Variants in TMEM114 observed in about 807,000 individuals in gnomAD.
TMEM114 encodes transmembrane protein 114.
Under a neutral mutation model 6.2 loss-of-function variants are expected in TMEM114, and 6 were observed. The observed-to-expected ratio is 0.97, with a 90% confidence interval of 0.53 to 1.91. The LOEUF (loss-of-function observed/expected upper bound fraction) is 1.91. TMEM114 is among the 40% of genes most tolerant of loss of function. The pLI is 0.01. For missense variants in TMEM114, 218 were observed against 158.3 expected, an observed-to-expected ratio of 1.38 and a Z score of -2.02; for synonymous variants, 104 against 73.0, an observed-to-expected ratio of 1.42 and a Z score of -2.16.
chr16:8,576,565 G>A (rs985041831), intron 2 of TMEM114, among the ~76,000 whole-genome samples: 45 of 152,210 alleles, frequency 3.0e-4, no homozygotes, highest in African/African-American at 8.7e-4. Flanking sequence ...AGGAATCAAA[G>A]GCCAGCAGGA....
In TMEM114 at chr16:8,563,825, GTGAA is replaced by G. The variant is rs1371623044; in HGVS notation, n.212+25384_212+25387del. 3.9e-3 allele frequency among the ~76,000 whole-genome samples: 543 copies of G among 137,756 alleles called. 1 individual carries two copies. Among genetic ancestry groups the G allele is most frequent in the South Asian group, 0.013 (50 of 3,806 alleles). The allele number at this position is 137,756 out of a possible 152,430, so 90.4% of individuals were successfully genotyped here. On this transcript the variant is annotated intron_variant and non_coding_transcript_variant, in intron 2 of 2. Transcript: ENST00000623677. Reference sequence around the variant, plus strand: ...AGGGAGGGAGGGAATGAGTGAGTGAGTGAATGAGTGAGGGAGGGAGGGAGGGAGG... The same window carrying G: ...AGGGAGGGAGGGAATGAGTGAGTGAGTGAGTGAGGGAGGGAGGGAGGGAGG...
chr16:8,553,650 A>G (rs1900914600), intron 2 of TMEM114, among the ~76,000 whole-genome samples: 1 of 151,682 alleles, frequency 6.6e-6, no homozygotes, highest in Non-Finnish European at 1.5e-5. Context: ...CACGCCTCCT[A>G]TTTTGTATTT....
chr16:8,556,672 T>G (rs1325963134), intron 2 of TMEM114, among the ~76,000 whole-genome samples: 1 of 152,020 alleles, frequency 6.6e-6, no homozygotes, highest in South Asian at 2.1e-4. Context: ...TGGCTAATTT[T>G]TTGTATTTTT....
chr16:8,568,522 A>G (rs1901619800), downstream of TMEM114, among the ~76,000 whole-genome samples: 1 of 152,182 alleles, frequency 6.6e-6, no homozygotes, highest in Non-Finnish European at 1.5e-5. Flanking sequence ...AGGTGCATAG[A>G]AAGTACTCAG....
intron 2 of TMEM114, among the ~76,000 whole-genome samples, chr16:8,580,290 C>T (rs180909638): frequency 2.0e-5 from 3 of 152,272 alleles, no homozygotes; most frequent in East Asian, 1.9e-4. Context: ...AGTTTGAGAT[C>T]AGCGTGGCCA....
At chr16:8,528,786 C>G in the TMEM114 span, among the ~76,000 whole-genome samples, 1 of 152,236 alleles carries the variant, frequency 6.6e-6, no homozygotes, top group Non-Finnish European at 1.5e-5. Context: ...GAGCTCTTTG[C>G]CTTCTGGCCA....
intron 2 of TMEM114, among the ~76,000 whole-genome samples, chr16:8,587,267 T>A (rs956400284): frequency 6.6e-6 from 1 of 152,252 alleles, no homozygotes; most frequent in Non-Finnish European, 1.5e-5. Flanking sequence ...CAATATAATA[T>A]AATTTGCATT....
intron 2 of TMEM114, among the ~76,000 whole-genome samples, chr16:8,541,001 C>G (rs1249076521): frequency 1.3e-5 from 2 of 152,050 alleles, no homozygotes; most frequent in Non-Finnish European, 2.9e-5. Context: ...CCAGAGTTGC[C>G]AGAGAGAGAC....
chr16:8,562,140 G>C (rs1276409810), intron 2 of TMEM114, among the ~76,000 whole-genome samples: 1 of 149,820 alleles, frequency 6.7e-6, no homozygotes, highest in African/African-American at 2.5e-5. Context: ...GAGTGAATGA[G>C]TGAGTTAGTG....
intron 2 of TMEM114, among the ~76,000 whole-genome samples, chr16:8,574,114 G>A (rs375703965): frequency 2.0e-5 from 3 of 152,262 alleles, no homozygotes; most frequent in East Asian, 3.9e-4. Flanking sequence ...TGACCTCATG[G>A]CGATGAAGAA....
chr16:8,544,441 C>A (rs556710917), intron 2 of TMEM114, among the ~76,000 whole-genome samples: 1 of 152,248 alleles, frequency 6.6e-6, no homozygotes, highest in Admixed American at 6.5e-5. Context: ...TGAGCAGGGT[C>A]TTAATGGATA....
chr16:8,588,617 G>A (rs1440290772), intron 2 of TMEM114, among the ~76,000 whole-genome samples: 1 of 152,148 alleles, frequency 6.6e-6, no homozygotes, highest in Middle Eastern at 3.2e-3. Context: ...ACTGAGCTGG[G>A]TACTAAGAAC....
chr16:8,565,061 G>T (rs202082121), downstream of TMEM114, among the ~76,000 whole-genome samples: 1 of 148,196 alleles, frequency 6.7e-6, no homozygotes, highest in African/African-American at 2.5e-5. Flanking sequence ...GAGTGAGTGA[G>T]TGAATGAGTG....
chr16:8,564,013 G>A (rs1399384147), intron 2 of TMEM114, among the ~76,000 whole-genome samples: 3 of 151,274 alleles, frequency 2.0e-5, no homozygotes, highest in Admixed American at 6.6e-5. Flanking sequence ...GAGTGAATGA[G>A]TATGTGAATG....
chr16:8,549,307 C>T (rs909575895), intron 2 of TMEM114, among the ~76,000 whole-genome samples: 3 of 151,568 alleles, frequency 2.0e-5, no homozygotes, highest in Admixed American at 6.6e-5. Context: ...CGAGACCAGC[C>T]TGGCCAACAT....
intron 2 of TMEM114, among the ~76,000 whole-genome samples, chr16:8,583,405 T>C (rs1902218020): frequency 6.6e-6 from 1 of 152,160 alleles, no homozygotes; most frequent in South Asian, 2.1e-4. Flanking sequence ...TGTGATCTCA[T>C]TTCATCTTAG....
the TMEM114 span, among the ~76,000 whole-genome samples, chr16:8,528,246 G>GCA: frequency 0.01 from 330 of 32,976 alleles, 2 homozygotes; most frequent in Admixed American, 0.014. Context: ...CCCAAAATGC[G>GCA]CACACACACA....
the TMEM114 span, among the ~76,000 whole-genome samples, chr16:8,531,726 C>G: frequency 6.6e-6 from 1 of 152,194 alleles, no homozygotes; most frequent in East Asian, 1.9e-4. Flanking sequence ...ATGGGACACT[C>G]AGTTGAATAG....
downstream of TMEM114, among the ~76,000 whole-genome samples, chr16:8,535,028 T>C (rs540341258): frequency 1.3e-5 from 2 of 152,276 alleles, no homozygotes; most frequent in African/African-American, 4.8e-5. Flanking sequence ...GCTTTGGAAC[T>C]GGGGCTGGTG....
Sources: allele counts gnomAD v4.1 joint callset (sites outside exome capture counted in the v4.1 genomes callset), GRCh38; gene constraint gnomAD v4.1.1; transcripts MANE v1.5; gene names NCBI Gene and HGNC (gene_info 2026-07-23, HGNC 2026-07-21).